Variants in DEPTOR observed in about 807,000 individuals in gnomAD.
DEPTOR encodes DEP domain containing MTOR interacting protein, also known as DEP domain-containing mTOR-interacting protein.
Under a neutral mutation model 41.6 loss-of-function variants are expected in DEPTOR, and 41 were observed. That is an observed-to-expected ratio of 0.98 (90% CI 0.77 to 1.28). DEPTOR has a LOEUF of 1.28. DEPTOR is among the 50% of genes most tolerant of loss of function. The pLI, the probability that DEPTOR is intolerant of heterozygous loss-of-function variation, is 0.00. For missense variants in DEPTOR, 514 were observed against 527.9 expected (o/e 0.97, Z 0.26); for synonymous variants, 195 against 192.3 (o/e 1.01, Z -0.12).
chr8:119,915,945 T>TAAAAAAAAAAAAAAAAAAAAAA (rs201870960), intron 1 of DEPTOR, among the ~76,000 whole-genome samples: 1 of 126,654 alleles, frequency 7.9e-6, no homozygotes. Context: ...CTTCATTTGT[T>TAAAAAAAAAAAAAAAAAAAAAA]AAAAAAAAAA....
intron 8 of DEPTOR, among the ~76,000 whole-genome samples, chr8:120,010,628 AAAAG>A (rs930128602): frequency 2.0e-5 from 3 of 152,018 alleles, no homozygotes; most frequent in Admixed American, 6.6e-5. Context: ...AAAAAAAAAA[AAAAG>A]AAGAAAAAAA....
intron 8 of DEPTOR, among the ~76,000 whole-genome samples, chr8:120,014,717 T>G (rs1306912994): frequency 6.6e-6 from 1 of 151,960 alleles, no homozygotes; most frequent in African/African-American, 2.4e-5. Context: ...GAGACAGGGT[T>G]TCACCATGTT....
chr8:119,977,689 G>A (rs1179099728), intron 4 of DEPTOR, among the ~76,000 whole-genome samples: 1 of 152,196 alleles, frequency 6.6e-6, no homozygotes, highest in Non-Finnish European at 1.5e-5. Flanking sequence ...ATTGGTTTAT[G>A]TTAAAGGAAA....
intron 6 of DEPTOR, among the ~76,000 whole-genome samples, chr8:120,004,463 A>G (rs184133715): frequency 7.9e-5 from 12 of 152,358 alleles, no homozygotes; most frequent in Admixed American, 6.5e-4. Context: ...GAAATCTGAC[A>G]GGCATCCTCA....
At chr8:119,986,488 T>G (rs749896041) in intron 4 of DEPTOR, among the ~76,000 whole-genome samples, 46 of 152,124 alleles carry the variant, frequency 3.0e-4, no homozygotes, top group Non-Finnish European at 6.0e-4. Flanking sequence ...CCTTGGTGAA[T>G]CTGATGATTA....
chr8:119,980,655 T>C (rs1404376513), intron 4 of DEPTOR, among the ~76,000 whole-genome samples: 1 of 151,818 alleles, frequency 6.6e-6, no homozygotes, highest in East Asian at 1.9e-4. Context: ...GCAGCTGGGA[T>C]TACAGGCATG....
At chr8:120,029,575 T>C (rs1361936625) in intron 8 of DEPTOR, among the ~76,000 whole-genome samples, 5 of 152,124 alleles carry the variant, frequency 3.3e-5, no homozygotes, top group African/African-American at 1.2e-4. Flanking sequence ...TTTGTGTTTT[T>C]AGTAGAGACA....
intron 8 of DEPTOR, among the ~76,000 whole-genome samples, chr8:120,013,914 A>G (rs1390882645): frequency 6.7e-6 from 1 of 148,332 alleles, no homozygotes; most frequent in African/African-American, 2.5e-5. Flanking sequence ...ATCTCAGCTC[A>G]CTGCAACCTC....
chr8:119,960,145 A>G (rs1458644395), intron 3 of DEPTOR, among the ~76,000 whole-genome samples: 1 of 151,994 alleles, frequency 6.6e-6, no homozygotes, highest in African/African-American at 2.4e-5. Context: ...AATTGCTTGA[A>G]GCTGCAAGGC....
intron 3 of DEPTOR, among the ~76,000 whole-genome samples, chr8:119,957,421 C>T (rs1353383883): frequency 6.6e-6 from 1 of 152,058 alleles, no homozygotes; most frequent in Non-Finnish European, 1.5e-5. Context: ...GTAGGAATTG[C>T]AGATTTCTTA....
Position 120,050,037 on chromosome 8 carries a change from G to A in DEPTOR, c.*333G>A, listed in dbSNP as rs187504453. On this transcript the variant is annotated 3_prime_UTR_variant, in exon 9 of 9. Transcript: ENST00000286234. The stretch of plus-strand genomic sequence containing the variant: ...GAAATGCTTCTCTAGCCCAAACAGC[G>A]ACATGCTAAAGTCCCCTTCTTCAGA... 268 of 174,182 alleles carry A rather than the reference G, an allele frequency of 1.5e-3. No homozygotes were observed. Among genetic ancestry groups the A allele is most frequent in the African/African-American group, 6.0e-3 (253 of 42,320 alleles). 10.8% of individuals were successfully genotyped at this position (174,182 alleles called of 1,614,324 possible). A position where few individuals can be genotyped will look rare whatever the true frequency, so the allele number is the denominator to read the frequency against.
At chr8:120,042,820 A>AT (rs77934822) in intron 8 of DEPTOR, among the ~76,000 whole-genome samples, 4 of 151,710 alleles carry the variant, frequency 2.6e-5, no homozygotes, top group African/African-American at 7.3e-5. Context: ...TGCCCAGCGT[A>AT]TTTTTTTATT....
intron 8 of DEPTOR, among the ~76,000 whole-genome samples, chr8:120,038,752 G>A (rs1266855577): frequency 6.6e-6 from 1 of 152,138 alleles, no homozygotes; most frequent in Non-Finnish European, 1.5e-5. Flanking sequence ...CAGAGTAGCC[G>A]AGGTCTTAAG....
At chr8:119,965,454 C>T (rs749202385) in intron 4 of DEPTOR, 44 bp downstream of exon 4, 1 of 1,591,220 alleles carries the variant, frequency 6.3e-7, no homozygotes, top group South Asian at 1.1e-5. Flanking sequence ...AAACAGCCAG[C>T]CCCAAATCTT....
chr8:119,914,842 G>T (rs557668491), intron 1 of DEPTOR, among the ~76,000 whole-genome samples: 1 of 152,202 alleles, frequency 6.6e-6, no homozygotes, highest in Admixed American at 6.5e-5. Flanking sequence ...AGCCCTTCAG[G>T]TGATTCTAAC....
intron 3 of DEPTOR, among the ~76,000 whole-genome samples, chr8:119,946,432 G>T (rs993185357): frequency 1.2e-4 from 17 of 140,542 alleles, no homozygotes; most frequent in East Asian, 4.2e-4. Context: ...ATAGTGTTTG[G>T]TTTTTTTTTT....
chr8:119,878,464 T>G (rs918474011), intron 1 of DEPTOR, among the ~76,000 whole-genome samples: 2 of 152,028 alleles, frequency 1.3e-5, no homozygotes, highest in Middle Eastern at 3.4e-3. Flanking sequence ...GGATTACAGG[T>G]GCGTGCCACC....
In DEPTOR at chr8:119,896,148, A is replaced by C. The variant is rs898188543; in HGVS notation, c.122+22180A>C. On this transcript the variant is annotated intron_variant, in intron 1 of 8. Transcript: ENST00000286234. ...TCAATAAATAGTAACAACAATAATAAAAATAAAAACCAGTATTTATTGAAC... is the reference window on the plus strand; with the variant it reads ...TCAATAAATAGTAACAACAATAATACAAATAAAAACCAGTATTTATTGAAC... Among the ~76,000 whole-genome samples, 20 of 152,212 alleles carry C rather than the reference A, an allele frequency of 1.3e-4. 1 individual carries two copies. The highest frequency in any genetic ancestry group is 4.6e-4 in the African/African-American group (19 of 41,450).
intron 1 of DEPTOR, among the ~76,000 whole-genome samples, chr8:119,892,814 G>T (rs535952403): frequency 1.2e-3 from 175 of 149,106 alleles, no homozygotes; most frequent in African/African-American, 4.2e-3. Flanking sequence ...ACGGAGTCTC[G>T]CCCTGTTGCC....
Sources: allele counts gnomAD v4.1 joint callset (sites outside exome capture counted in the v4.1 genomes callset), GRCh38; gene constraint gnomAD v4.1.1; transcripts MANE v1.5; gene names NCBI Gene and HGNC (gene_info 2026-07-23, HGNC 2026-07-21).